Variants in TRPC4 observed in about 807,000 individuals in gnomAD.
TRPC4 encodes the protein transient receptor potential cation channel subfamily C member 4, also known as short transient receptor potential channel 4.
Under a neutral mutation model 99.4 loss-of-function variants are expected in TRPC4, and 49 were observed. The ratio of observed to expected loss-of-function variants is 0.49; its 90% CI spans 0.39 to 0.63. TRPC4 has a LOEUF of 0.63. Among genes scored for constraint, TRPC4 ranks in the 20% least tolerant of loss-of-function variants. TRPC4 has a pLI of 0.00. For missense variants in TRPC4, 898 were observed against 1,152.9 expected, an observed-to-expected ratio of 0.78 and a Z score of 3.20; for synonymous variants, 454 against 425.9, an observed-to-expected ratio of 1.07 and a Z score of -0.81.
At chr13:37,658,097 G>T (rs1211354801) in intron 6 of TRPC4, among the ~76,000 whole-genome samples, 1 of 152,230 alleles carries the variant, frequency 6.6e-6, no homozygotes, top group East Asian at 1.9e-4. Flanking sequence ...AATCTATTGA[G>T]ACCAACATTG....
At chr13:37,824,525 G>A in intron 1 of TRPC4, among the ~76,000 whole-genome samples, 1 of 152,028 alleles carries the variant, frequency 6.6e-6, no homozygotes. Context: ...AATCTATTGA[G>A]ATAATCATGT....
At chr13:37,744,144 G>A (rs972566066) in intron 3 of TRPC4, among the ~76,000 whole-genome samples, 3 of 152,170 alleles carry the variant, frequency 2.0e-5, no homozygotes, top group African/African-American at 4.8e-5. Flanking sequence ...TCATCGTGTC[G>A]ATTCTTTAAA....
chr13:37,722,781 T>C lies in TRPC4; in HGVS notation c.897+23156A>G, dbSNP rs896997263. The stretch of plus-strand genomic sequence containing the variant: ...TTTTATCAGCTCTAATGTTAATTAG[T>C]AAATAAACACTTACTATTATTGCAA... On this transcript the variant is annotated intron_variant, in intron 3 of 10. Transcript: ENST00000379705. 2.0e-5 allele frequency among the ~76,000 whole-genome samples: 3 copies of C among 152,052 alleles called. No individual in the cohort carries two copies. In the East Asian group the frequency reaches 5.8e-4, roughly 29 times the overall value.
chr13:37,823,001 T>A (rs879832432), intron 1 of TRPC4, among the ~76,000 whole-genome samples: 2,554 of 149,108 alleles, frequency 0.017, 33 homozygotes, highest in Middle Eastern at 0.053. Flanking sequence ...TGGTTTTGAT[T>A]TGCATTTCTC....
intron 4 of TRPC4, among the ~76,000 whole-genome samples, chr13:37,675,763 C>T (rs1953024692): frequency 6.6e-6 from 1 of 152,150 alleles, no homozygotes; most frequent in Non-Finnish European, 1.5e-5. Context: ...GAGAAAGTTC[C>T]ATCCCTAGCA....
intron 2 of TRPC4, among the ~76,000 whole-genome samples, chr13:37,774,697 C>T (rs1956651171): frequency 6.6e-6 from 1 of 151,578 alleles, no homozygotes; most frequent in Non-Finnish European, 1.5e-5. Context: ...TCGTTCTACT[C>T]TATGAGAAAA....
chr13:37,664,995 T>C (rs1479760660), intron 5 of TRPC4, among the ~76,000 whole-genome samples: 3 of 152,180 alleles, frequency 2.0e-5, no homozygotes, highest in Non-Finnish European at 2.9e-5. Flanking sequence ...TCTTGATAAA[T>C]GTTCTTGAAC....
intron 1 of TRPC4, among the ~76,000 whole-genome samples, chr13:37,807,536 A>G (rs1354779714): frequency 3.3e-5 from 5 of 152,098 alleles, no homozygotes; most frequent in African/African-American, 1.2e-4. Context: ...TTTAACAGAA[A>G]TAAATCAGCA....
At chr13:37,864,860 A>G (rs1022450655) in intron 1 of TRPC4, among the ~76,000 whole-genome samples, 5 of 151,792 alleles carry the variant, frequency 3.3e-5, no homozygotes, top group African/African-American at 1.2e-4. Context: ...TTACAGAAAC[A>G]AAAAGGTAGA....
At chr13:37,868,242 A>G (rs1481959005) in intron 1 of TRPC4, among the ~76,000 whole-genome samples, 1 of 152,162 alleles carries the variant, frequency 6.6e-6, no homozygotes, top group East Asian at 1.9e-4. Context: ...TCCAACTCAT[A>G]TATCTTTCAG....
chr13:37,765,043 G>A (rs1956327300), intron 2 of TRPC4, among the ~76,000 whole-genome samples: 1 of 150,990 alleles, frequency 6.6e-6, no homozygotes, highest in South Asian at 2.1e-4. Context: ...GAAATAGTAT[G>A]TTCCTTGAAT....
chr13:37,753,524 C>T (rs1164738794), intron 2 of TRPC4, among the ~76,000 whole-genome samples: 30 of 145,846 alleles, frequency 2.1e-4, no homozygotes. Context: ...ATGATTGCAC[C>T]CTGCCAGACA....
intron 3 of TRPC4, among the ~76,000 whole-genome samples, chr13:37,693,199 T>C (rs1486690882): frequency 1.3e-5 from 2 of 152,126 alleles, no homozygotes; most frequent in Non-Finnish European, 2.9e-5. Flanking sequence ...ATTGGGATTG[T>C]CAGTTAAGCA....
chr13:37,817,263 C>A (rs1026117077), intron 1 of TRPC4, among the ~76,000 whole-genome samples: 1 of 151,944 alleles, frequency 6.6e-6, no homozygotes, highest in African/African-American at 2.4e-5. Context: ...GAATGTAATC[C>A]CATTCACAAT....
At chr13:37,843,946 C>T (rs9548074) in intron 1 of TRPC4, among the ~76,000 whole-genome samples, 37,457 of 152,040 alleles carry the variant, frequency 0.25, 4,923 homozygotes, top group African/African-American at 0.33. Context: ...TTGATTGTGC[C>T]ACCCCTCTCC....
At chr13:37,742,540 G>A (rs1272580534) in intron 3 of TRPC4, among the ~76,000 whole-genome samples, 1 of 152,146 alleles carries the variant, frequency 6.6e-6, no homozygotes, top group African/African-American at 2.4e-5. Flanking sequence ...TGTGTATAAT[G>A]AGGACATTTA....
chr13:37,843,220 T>C (rs912251091), intron 1 of TRPC4, among the ~76,000 whole-genome samples: 2 of 152,200 alleles, frequency 1.3e-5, no homozygotes, highest in Non-Finnish European at 2.9e-5. Flanking sequence ...TGATGTTTTA[T>C]GAGGGTAATA....
At chr13:37,772,043 G>A (rs182449255) in intron 2 of TRPC4, among the ~76,000 whole-genome samples, 4 of 151,684 alleles carry the variant, frequency 2.6e-5, no homozygotes, top group Admixed American at 6.6e-5. Context: ...GCCCAGGCAC[G>A]TCAAATCAAG....
intron 1 of TRPC4, among the ~76,000 whole-genome samples, chr13:37,796,968 ATAAAGTAAAGTAAAG>A (rs548354406): frequency 2.6e-5 from 3 of 115,114 alleles, no homozygotes; most frequent in African/African-American, 1.1e-4. Context: ...ATAAAATAAA[ATAAAGTAAAGTAAAG>A]TAAAGTAAAG....
Sources: gnomAD v4.1 joint callset for allele counts (sites outside exome capture counted in the v4.1 genomes callset) on GRCh38, gnomAD v4.1.1 for gene constraint, MANE v1.5 for transcripts, NCBI Gene and HGNC (gene_info 2026-07-23, HGNC 2026-07-21) for gene names.